Variants in LRP6 observed in about 807,000 individuals in gnomAD.
LRP6 encodes the protein low-density lipoprotein receptor-related protein 6.
LRP6 carries 43 observed loss-of-function variants against 184.1 expected under a neutral mutation model. That is an observed-to-expected ratio of 0.23 (90% CI 0.18 to 0.30). The LOEUF is 0.30. LRP6 is among the 10% of genes least tolerant of loss of function. The pLI is 1.00. For missense variants in LRP6, 1,571 were observed against 2,005.3 expected (o/e 0.78, Z 4.14); for synonymous variants, 719 against 684.9 (o/e 1.05, Z -0.78).
At chr12:12,157,639 C>G (rs1416664235) in intron 12 of LRP6, among the ~76,000 whole-genome samples, 1 of 151,960 alleles carries the variant, frequency 6.6e-6, no homozygotes, top group Non-Finnish European at 1.5e-5. Context: ...CAGAACAGAC[C>G]AAATTTTTCC....
At chr12:12,171,564 TAAATAAAC>T (rs1199469514) in intron 7 of LRP6, among the ~76,000 whole-genome samples, 4 of 106,724 alleles carry the variant, frequency 3.7e-5, no homozygotes, top group Non-Finnish European at 8.1e-5. Flanking sequence ...AATAAATAAA[TAAATAAAC>T]GCTATTATCA....
At chr12:12,168,568 A>G (rs1322866289) in intron 7 of LRP6, among the ~76,000 whole-genome samples, 1 of 152,240 alleles carries the variant, frequency 6.6e-6, no homozygotes, top group African/African-American at 2.4e-5. Flanking sequence ...TACAGAAAGC[A>G]AGAAGGTTCT....
intron 3 of LRP6, among the ~76,000 whole-genome samples, chr12:12,199,988 A>C (rs1863872040): frequency 6.7e-6 from 1 of 150,030 alleles, no homozygotes; most frequent in Non-Finnish European, 1.5e-5. Context: ...AAAAAAAAAA[A>C]AAAAAAACAC....
intron 2 of LRP6, among the ~76,000 whole-genome samples, chr12:12,213,688 A>C (rs1864268865): frequency 6.6e-6 from 1 of 151,842 alleles, no homozygotes; most frequent in Non-Finnish European, 1.5e-5. Context: ...ACTGATATAA[A>C]CTGATTTTTT....
At chr12:12,137,968 G>C (rs755336806) in intron 16 of LRP6, among the ~76,000 whole-genome samples, 8 of 151,616 alleles carry the variant, frequency 5.3e-5, no homozygotes, top group Non-Finnish European at 1.2e-4. Flanking sequence ...TTCGAGATCA[G>C]CCTGGACAAC....
At chr12:12,263,670 C>T (rs1273198960) in intron 1 of LRP6, among the ~76,000 whole-genome samples, 1 of 151,858 alleles carries the variant, frequency 6.6e-6, no homozygotes, top group Non-Finnish European at 1.5e-5. Flanking sequence ...TAGCAAAACT[C>T]TGGCTCTATA....
rs1288074248 is a variant in LRP6, at chr12:12,150,924, G to T, written c.2906C>A (p.Ala969Asp). The part of the protein sequence containing the change: ...LPIHSLRNVR[A>D]IDYDPLDKQL... The stretch of plus-strand genomic sequence containing the variant: ...CTTGTCCAGTGGGTCATAGTCAATG[G>T]CCCGGACATTCCGAAGGCTGTGGAT... The change falls in exon 13 of 23, where the codon GCC becomes GAC. Residue 969 changes from alanine to aspartate, a missense_variant. Physicochemically the swap from Ala to Asp is moderately radical, Grantham distance 126 (BLOSUM62 -2). Coordinates refer to ENST00000261349, the MANE Select transcript of LRP6 (RefSeq NM_002336.3). The T allele has an allele frequency of 6.2e-7, 1 of 1,614,046 alleles. No individual in the cohort carries two copies. Among genetic ancestry groups the T allele is most frequent in the East Asian group, 2.2e-5 (1 of 44,886 alleles).
Position 12,121,337 on chromosome 12 carries a change from C to G in LRP6, c.4631G>C (p.Ser1544Thr). The G allele has an allele frequency of 1.2e-6, 2 of 1,614,114 alleles. No homozygotes were observed. The highest frequency in any genetic ancestry group is 1.7e-6 in the Non-Finnish European group (2 of 1,180,014). Residue 1544 changes from serine to threonine, a missense_variant, in exon 23 of 23, where the codon AGT (serine) becomes ACT (threonine). By Grantham distance (58) the Ser-to-Thr change is moderately conservative. Around this residue, in one of 4 missense-constraint regions of LRP6, gnomAD observed 763 missense variants for 859.5 expected, o/e 0.89. Coordinates refer to ENST00000261349, the MANE Select transcript of LRP6 (RefSeq NM_002336.3). ...TGTTGCCACTGAGGTCATTCTCCGA[C>G]TAGGAGCATAGTCACTGTCACAAAC... ...TDVCDSDYAP[S>T]RRMTSVATAK... is the part of the protein sequence containing the mutation.
In LRP6 at chr12:12,229,387, AGAAG is replaced by A. The variant is rs372008259; in HGVS notation, c.449+14871_449+14874del. ...CTCCATTTCAAAAAAAAAAAAAAAAAGAAGAAGAAGAAGAATATCTCACACTGAG... is the reference window on the plus strand; with the variant it reads ...CTCCATTTCAAAAAAAAAAAAAAAAAAAGAAGAAGAATATCTCACACTGAG... On this transcript the variant is annotated intron_variant, in intron 2 of 22. Coordinates refer to ENST00000261349, the MANE Select transcript of LRP6 (RefSeq NM_002336.3). Among the ~76,000 whole-genome samples, 16 of 110,416 alleles carry A rather than the reference AGAAG, an allele frequency of 1.4e-4. 2 individuals are homozygous for A. The highest frequency in any genetic ancestry group is 2.0e-4 in the African/African-American group (6 of 30,282). The allele number at this position is 110,416 out of a possible 152,430, so 72.4% of individuals were successfully genotyped here.
chr12:12,215,368 G>A (rs1864314573), intron 2 of LRP6, among the ~76,000 whole-genome samples: 1 of 152,060 alleles, frequency 6.6e-6, no homozygotes, highest in Non-Finnish European at 1.5e-5. Flanking sequence ...GATAAAAACA[G>A]TACTGTTGTT....
chr12:12,247,430 C>T (rs1865214747), intron 1 of LRP6, among the ~76,000 whole-genome samples: 1 of 152,164 alleles, frequency 6.6e-6, no homozygotes, highest in African/African-American at 2.4e-5. Context: ...AATCCAAAAA[C>T]GCTTTCTGGT....
chr12:12,171,831 A>C (rs1055395138), intron 7 of LRP6, among the ~76,000 whole-genome samples: 2 of 152,238 alleles, frequency 1.3e-5, no homozygotes, highest in Non-Finnish European at 2.9e-5. Flanking sequence ...TCTACCGGGC[A>C]CAAGTTAACC....
chr12:12,175,726 T>C (rs914892311), intron 7 of LRP6, among the ~76,000 whole-genome samples: 16 of 115,012 alleles, frequency 1.4e-4, no homozygotes, highest in Non-Finnish European at 3.0e-4. Context: ...TAAAATAAAA[T>C]AAAATAAATA....
At position 12,266,341 on chromosome 12, in the gene LRP6, G is replaced by C. The variant is rs148699653; in HGVS notation, c.55+340C>G. On this transcript the variant is annotated intron_variant, in intron 1 of 22. Coordinates refer to ENST00000261349, the MANE Select transcript of LRP6 (RefSeq NM_002336.3). ...TTTTAAAAGCCAAAATACGTACAAAGACCCTTTTCCCTGGAAGACCCCAGG... is the reference window on the plus strand; with the variant it reads ...TTTTAAAAGCCAAAATACGTACAAACACCCTTTTCCCTGGAAGACCCCAGG... Among the ~76,000 whole-genome samples the C allele has an allele frequency of 6.6e-5, 10 of 152,264 alleles. No individual in the cohort carries two copies. The East Asian group carries it at 1.9e-3, about 29-fold the overall frequency.
In LRP6 at chr12:12,119,990, AATATATATAT is replaced by A. The variant is rs550587604; in HGVS notation, c.*1126_*1135del. On this transcript the variant is annotated 3_prime_UTR_variant, in exon 23 of 23. Transcript: ENST00000261349. ...ACTCAGAAAACAAACAAACAAACAA[AATATATATAT>A]ATATATATATATATATATATATATA... is the stretch of plus-strand genomic sequence containing the variant. 1,717 of 45,326 alleles carry A rather than the reference AATATATATAT, an allele frequency of 0.038. 48 individuals are homozygous for A. Among genetic ancestry groups the A allele is most frequent in the Admixed American group, 0.054 (177 of 3,260 alleles). The allele number at this position is 45,326 out of a possible 1,614,324, so 2.8% of individuals were successfully genotyped here.
chr12:12,134,294 CA>C (rs1255612157), intron 17 of LRP6, among the ~76,000 whole-genome samples: 2 of 151,800 alleles, frequency 1.3e-5, no homozygotes, highest in African/African-American at 2.4e-5. Flanking sequence ...TGTATAAACT[CA>C]GTTATTTTAC....
At chr12:12,146,469 T>C (rs1464827325) in intron 15 of LRP6, among the ~76,000 whole-genome samples, 2 of 152,186 alleles carry the variant, frequency 1.3e-5, no homozygotes, top group Admixed American at 1.3e-4. Flanking sequence ...TATATGGACA[T>C]CAGAAATTGG....
intron 4 of LRP6, among the ~76,000 whole-genome samples, chr12:12,184,866 C>T (rs1863431123): frequency 6.6e-6 from 1 of 151,892 alleles, no homozygotes; most frequent in Non-Finnish European, 1.5e-5. Context: ...GGGATATGTC[C>T]AAACAATACT....
At position 12,162,434 on chromosome 12, in the gene LRP6, TAAC is replaced by T; in HGVS notation, c.2053-18_2053-16del. 6.3e-7 allele frequency: 1 copy of T among 1,596,654 alleles called. No homozygotes were observed. The highest frequency in any genetic ancestry group is 8.6e-7 in the Non-Finnish European group (1 of 1,164,068). ...CTGCTGATGGTCTGCAAAAGAACAT[TAAC>T]AACTAAGTCATATGGCATAAGTCTA... On this transcript the variant is annotated splice_polypyrimidine_tract_variant and intron_variant, in intron 9 of 22. Transcript: ENST00000261349.
Sources: gnomAD v4.1 joint callset for allele counts (sites outside exome capture counted in the v4.1 genomes callset) on GRCh38, gnomAD v4.1.1 for gene constraint, gnomAD v4.1.1 regional missense constraint, MANE v1.5 for transcripts, NCBI Gene and HGNC (gene_info 2026-07-23, HGNC 2026-07-21) for gene names.